Variants in AK5 observed in about 807,000 individuals in gnomAD.
AK5 encodes adenylate kinase 5, also known as adenylate kinase isoenzyme 5.
A neutral mutation model predicts 69.5 loss-of-function variants in AK5; 27 were observed. The ratio of observed to expected loss-of-function variants is 0.39; its 90% CI spans 0.29 to 0.54. The LOEUF (loss-of-function observed/expected upper bound fraction) is 0.54, where lower values mean the gene tolerates loss of function less well. Among genes scored for constraint, AK5 ranks in the 20% least tolerant of loss-of-function variants. The pLI, the probability that AK5 is intolerant of heterozygous loss-of-function variation, is 0.71. For missense variants in AK5, 531 were observed against 700.4 expected (o/e 0.76, Z 2.73); for synonymous variants, 260 against 244.4 (o/e 1.06, Z -0.60).
chr1:77,360,767 C>A (rs1243531807), intron 6 of AK5, among the ~76,000 whole-genome samples: 5 of 152,166 alleles, frequency 3.3e-5, no homozygotes, highest in Admixed American at 6.5e-5. Flanking sequence ...TGACTGTAAG[C>A]AGCCTTGTTG....
intron 2 of AK5, among the ~76,000 whole-genome samples, chr1:77,290,579 G>T (rs12036958): frequency 6.6e-6 from 1 of 152,206 alleles, no homozygotes; most frequent in East Asian, 1.9e-4. Context: ...GCATACAATT[G>T]AATAATTATC....
chr1:77,385,601 G>A (rs1364349786), intron 6 of AK5, among the ~76,000 whole-genome samples: 3 of 152,086 alleles, frequency 2.0e-5, no homozygotes, highest in Admixed American at 6.5e-5. Flanking sequence ...TGTGGTCAAC[G>A]AAAAGGCCTT....
At chr1:77,357,000 T>C (rs1662564306) in intron 6 of AK5, among the ~76,000 whole-genome samples, 1 of 152,036 alleles carries the variant, frequency 6.6e-6, no homozygotes. Flanking sequence ...TTTTTCTCTC[T>C]TCTTCTGTCT....
chr1:77,298,765 C>A (rs1168660476), intron 5 of AK5, among the ~76,000 whole-genome samples: 1 of 152,036 alleles, frequency 6.6e-6, no homozygotes, highest in Non-Finnish European at 1.5e-5. Context: ...GAGCCCAGGA[C>A]ATCAAGGCTG....
At chr1:77,415,799 G>T (rs1464118717) in intron 7 of AK5, among the ~76,000 whole-genome samples, 1 of 152,180 alleles carries the variant, frequency 6.6e-6, no homozygotes, top group Non-Finnish European at 1.5e-5. Context: ...TTAGAATTTG[G>T]AGTCAGCATG....
chr1:77,372,772 C>CGT (rs34235538), intron 6 of AK5, among the ~76,000 whole-genome samples: 20,114 of 149,514 alleles, frequency 0.13, 1,645 homozygotes, highest in East Asian at 0.39. Flanking sequence ...TGTGTGTGTG[C>CGT]GTGTGTGTGT....
chr1:77,325,125 A>G (rs1460144045), intron 5 of AK5, among the ~76,000 whole-genome samples: 4 of 149,506 alleles, frequency 2.7e-5, no homozygotes, highest in Non-Finnish European at 5.9e-5. Flanking sequence ...TTACAGGCAC[A>G]TGCCACCATG....
At chr1:77,487,858 C>A (rs1465765679) in intron 10 of AK5, among the ~76,000 whole-genome samples, 1 of 152,162 alleles carries the variant, frequency 6.6e-6, no homozygotes, top group East Asian at 1.9e-4. Context: ...TGTTGGACCC[C>A]TGCTGGGCAG....
chr1:77,411,970 T>C (rs1298299170), intron 7 of AK5, among the ~76,000 whole-genome samples: 1 of 152,232 alleles, frequency 6.6e-6, no homozygotes, highest in Non-Finnish European at 1.5e-5. Flanking sequence ...GCAAGAAAGA[T>C]GAAATATTGA....
chr1:77,311,060 T>C (rs994797067), intron 5 of AK5, among the ~76,000 whole-genome samples: 2 of 152,158 alleles, frequency 1.3e-5, no homozygotes, highest in Non-Finnish European at 2.9e-5. Context: ...TGGGTATGTC[T>C]GTTTGTCTCC....
chr1:77,479,387 G>T (rs1191405155), intron 8 of AK5, among the ~76,000 whole-genome samples: 2 of 151,916 alleles, frequency 1.3e-5, no homozygotes, highest in Admixed American at 6.6e-5. Context: ...TGTATTTTTA[G>T]TAGAGACGGA....
chr1:77,410,964 G>A lies in AK5; in HGVS notation c.892-17G>A. 6.2e-7 allele frequency: 1 copy of A among 1,609,280 alleles called. No homozygotes were observed. Among genetic ancestry groups the A allele is most frequent in the East Asian group, 2.2e-5 (1 of 44,830 alleles). ...GTATTCTCACATTCCAAACTTGTCT[G>A]TCCTGATTTCCCCCAGTTTGATGCC... is the stretch of plus-strand genomic sequence containing the variant. On this transcript the variant is annotated splice_polypyrimidine_tract_variant and intron_variant, in intron 6 of 13. Transcript: ENST00000354567.
chr1:77,477,526 A>G (rs1004811981), intron 8 of AK5, among the ~76,000 whole-genome samples: 4 of 152,220 alleles, frequency 2.6e-5, no homozygotes, highest in African/African-American at 7.2e-5. Context: ...CTAGCATTTC[A>G]TGGTTCATGA....
intron 13 of AK5, among the ~76,000 whole-genome samples, chr1:77,547,525 G>C (rs1659605888): frequency 6.6e-6 from 1 of 151,980 alleles, no homozygotes; most frequent in South Asian, 2.1e-4. Flanking sequence ...GCCCGCCTCG[G>C]CCTCTCAAAG....
chr1:77,450,395 A>G (rs1192308019), intron 8 of AK5, among the ~76,000 whole-genome samples: 1 of 152,188 alleles, frequency 6.6e-6, no homozygotes, highest in African/African-American at 2.4e-5. Flanking sequence ...ACTGCTCATA[A>G]AGACAAACCC....
intron 5 of AK5, among the ~76,000 whole-genome samples, chr1:77,313,459 C>G (rs1444797812): frequency 6.6e-6 from 1 of 152,122 alleles, no homozygotes; most frequent in Non-Finnish European, 1.5e-5. Context: ...CAAAAGCAGA[C>G]TTTTGCTTTT....
chr1:77,328,247 T>C (rs1660906021), intron 5 of AK5, among the ~76,000 whole-genome samples: 1 of 152,196 alleles, frequency 6.6e-6, no homozygotes, highest in Non-Finnish European at 1.5e-5. Flanking sequence ...ACGCCTGTAA[T>C]TGCAGCACTT....
chr1:77,282,702 G>T lies in AK5; in HGVS notation c.60+329G>T, dbSNP rs141309325. The T allele has an allele frequency of 3.6e-6, 4 of 1,098,760 alleles. No individual in the cohort carries two copies. In the African/African-American group the frequency reaches 6.6e-5, roughly 18 times the overall value. The allele number at this position is 1,098,760 out of a possible 1,614,324, so 68.1% of individuals were successfully genotyped here. ...GACCGCGGCCGGGCCGCACTCTCTG[G>T]GGGCGAGGGCCAGGTCAGGTGGCTG... On this transcript the variant is annotated intron_variant, in intron 1 of 13. Coordinates refer to ENST00000354567, the MANE Select transcript of AK5 (RefSeq NM_174858.3).
At chr1:77,446,497 A>AAT (rs1286982343) in intron 8 of AK5, among the ~76,000 whole-genome samples, 2 of 152,138 alleles carry the variant, frequency 1.3e-5, no homozygotes, top group African/African-American at 2.4e-5. Context: ...GATTGTATTG[A>AAT]ATATATATAT....
Sources: gnomAD v4.1 joint callset for allele counts (sites outside exome capture counted in the v4.1 genomes callset) on GRCh38, gnomAD v4.1.1 for gene constraint, MANE v1.5 for transcripts, NCBI Gene and HGNC (gene_info 2026-07-23, HGNC 2026-07-21) for gene names.